RAB39B: variants seen among roughly 807,000 people sequenced by gnomAD.
RAB39B encodes the protein ras-related protein Rab-39B.
For missense variants in RAB39B, 68 were observed against 171.3 expected (o/e 0.40, Z 3.37); for synonymous variants, 63 against 67.5 (o/e 0.93, Z 0.33).
chrX:155,263,937 G>A (rs1360107210), intron 1 of RAB39B, 137 bp downstream of exon 1: 25 of 593,152 alleles, frequency 4.2e-5, no homozygotes, highest in Non-Finnish European at 5.7e-5. Context: ...AGCCGAAGGT[G>A]GGCTTCGGCA....
Position 155,261,044 on chromosome X carries a change from G to A in RAB39B, c.401C>T (p.Thr134Ile), listed in dbSNP as rs1557314219. ...AGCCAGTTTCTCGGCCTCGTGGCGAGTCACTTGCCTCTGTGTATCCAGGTC... is the reference window on the plus strand; with the variant it reads ...AGCCAGTTTCTCGGCCTCGTGGCGAATCACTTGCCTCTGTGTATCCAGGTC... The part of the protein sequence containing the change: ...KCDLDTQRQV[T>I]RHEAEKLAAA... Residue 134 changes from threonine to isoleucine, a missense_variant, in exon 2 of 2, where the codon ACT (threonine) becomes ATT (isoleucine). Coordinates refer to ENST00000369454, the MANE Select transcript of RAB39B (RefSeq NM_171998.4). 2.5e-6 allele frequency: 3 copies of A among 1,211,675 alleles called. No homozygotes were observed. Among genetic ancestry groups the A allele is most frequent in the South Asian group, 3.5e-5 (2 of 56,974 alleles).
chrX:155,261,866 C>G (rs1315334981), intron 1 of RAB39B, among the ~76,000 whole-genome samples: 3 of 106,903 alleles, frequency 2.8e-5, no homozygotes, highest in African/African-American at 1.0e-4. Flanking sequence ...TTATTATTAG[C>G]TAACAGGGAT....
Position 155,261,165 on chromosome X carries a change from G to A in RAB39B, c.280C>T (p.Arg94Cys), listed in dbSNP as rs781954592. The stretch of plus-strand genomic sequence containing the variant: ...TCATGGACATTCTGGAAGGACCTGC[G>A]GTTGGTAATGTCAAATAAGAGAAGA... ...GGLLLFDITN[R>C]RSFQNVHEWL... The change falls in exon 2 of 2, where the codon CGC (arginine) becomes TGC (cysteine). Residue 94 changes from arginine (R) to cysteine (C), a missense_variant. Arg to Cys is a radical substitution (Grantham distance 180). Transcript: ENST00000369454. 9.9e-6 allele frequency: 12 copies of A among 1,209,108 alleles called. No individual in the cohort carries two copies. Among genetic ancestry groups the A allele is most frequent in the African/African-American group, 1.7e-5 (1 of 57,506 alleles).
chrX:155,262,511 A>T (rs1465196359), intron 1 of RAB39B, among the ~76,000 whole-genome samples: 2 of 112,446 alleles, frequency 1.8e-5, no homozygotes, highest in Non-Finnish European at 3.8e-5. Context: ...ATCAACAAGC[A>T]AGCTGTAGAT....
rs1433697678 is a variant in RAB39B at position 155,259,063 on chromosome X, CAA to C, written c.*1738_*1739del. On this transcript the variant is annotated 3_prime_UTR_variant, in exon 2 of 2. Coordinates refer to ENST00000369454, the MANE Select transcript of RAB39B (RefSeq NM_171998.4). ...CTTTATTCTGGCTAAAGCAAATTCC[CAA>C]AGTTTCAGATTCGGTCACATTCATA... The C allele has an allele frequency of 8.9e-6, 1 of 112,131 alleles. No homozygotes were observed. Among genetic ancestry groups the C allele is most frequent in the Non-Finnish European group, 1.9e-5 (1 of 53,213 alleles). The allele number at this position is 112,131 out of a possible 1,213,427, so 9.2% of individuals were successfully genotyped here. A position where few individuals can be genotyped will look rare whatever the true frequency, so the allele number is the denominator to read the frequency against.
chrX:155,261,119 A>T lies in RAB39B; in HGVS notation c.326T>A (p.Val109Glu). The T allele has an allele frequency of 8.3e-7, 1 of 1,211,181 alleles. No individual in the cohort carries two copies. ...TACAATTTGGTAGGGCTGAACGTGT[A>T]CTTTGGTCTCTTCTAACCACTCATG... ...NVHEWLEETK[V>E]HVQPYQIVFV... Residue 109 changes from valine (V) to glutamate (E), a missense_variant, in exon 2 of 2, where the codon GTA becomes GAA. Coordinates refer to ENST00000369454, the MANE Select transcript of RAB39B (RefSeq NM_171998.4).
intron 1 of RAB39B, among the ~76,000 whole-genome samples, chrX:155,262,047 C>T (rs782439759): frequency 1.1e-4 from 12 of 111,615 alleles, no homozygotes; most frequent in Non-Finnish European, 1.9e-4. Flanking sequence ...AGAAACTTCA[C>T]ATGTTTTAAC....
chrX:155,264,430 GCCCAGGCGCCGGGAGAGC>G lies in RAB39B; in HGVS notation c.-160_-143del. ...GGCCTGGGAGCCCGAAGCTGGGTAG[GCCCAGGCGCCGGGAGAGC>G]GGAGGGATGGATGCTGCGCTCGCAA... On this transcript the variant is annotated 5_prime_UTR_variant, in exon 1 of 2. Coordinates refer to ENST00000369454, the MANE Select transcript of RAB39B (RefSeq NM_171998.4). 1 of 527,190 alleles carries G rather than the reference GCCCAGGCGCCGGGAGAGC, an allele frequency of 1.9e-6. No homozygotes were observed. Among genetic ancestry groups the G allele is most frequent in the Non-Finnish European group, 3.1e-6 (1 of 318,512 alleles). The allele number at this position is 527,190 out of a possible 1,213,427, so 43.4% of individuals were successfully genotyped here.
intron 1 of RAB39B, among the ~76,000 whole-genome samples, chrX:155,263,797 A>G (rs781932730): frequency 8.9e-6 from 1 of 112,452 alleles, no homozygotes; most frequent in East Asian, 2.8e-4. Flanking sequence ...AATTACAGAT[A>G]CAGAGATCAA....
chrX:155,261,278 G>A (rs1557314266), intron 1 of RAB39B, 49 bp from the exon 2 acceptor site: 1 of 938,013 alleles, frequency 1.1e-6, no homozygotes, highest in Admixed American at 2.2e-5. Context: ...CCAAACTTCT[G>A]CATGTCAATG....
At position 155,264,378 on chromosome X, in the gene RAB39B, A is replaced by T. The variant is rs1446179371; in HGVS notation, c.-90T>A. ...GCCTCAGAGAGCGCGGCTCGGCAGG[A>T]TCTAGCTCAGCCGCGAGCGCATCGC... is the stretch of plus-strand genomic sequence containing the variant. On this transcript the variant is annotated 5_prime_UTR_variant, in exon 1 of 2. Transcript: ENST00000369454. 3.4e-6 allele frequency: 3 copies of T among 892,927 alleles called. No homozygotes were observed. The highest frequency in any genetic ancestry group is 4.9e-6 in the Non-Finnish European group (3 of 616,352). 73.6% of individuals were successfully genotyped at this position (892,927 alleles called of 1,213,427 possible).
At chrX:155,263,620 G>GT (rs2074860019) in intron 1 of RAB39B, among the ~76,000 whole-genome samples, 1 of 112,461 alleles carries the variant, frequency 8.9e-6, no homozygotes, top group Admixed American at 9.3e-5. Flanking sequence ...GGAATCAATC[G>GT]TATCTATTTC....
chrX:155,262,662 G>T (rs1311379023), intron 1 of RAB39B, among the ~76,000 whole-genome samples: 1 of 112,042 alleles, frequency 8.9e-6, no homozygotes, highest in Non-Finnish European at 1.9e-5. Flanking sequence ...CTTAAATAAT[G>T]TGAAAAGACA....
At chrX:155,262,070 G>T (rs1283030655) in intron 1 of RAB39B, among the ~76,000 whole-genome samples, 1 of 111,402 alleles carries the variant, frequency 9.0e-6, no homozygotes, top group Non-Finnish European at 1.9e-5. Flanking sequence ...CTTGACTTGA[G>T]GAACCTCATT....
At chrX:155,262,963 C>T (rs1056595021) in intron 1 of RAB39B, among the ~76,000 whole-genome samples, 1 of 112,333 alleles carries the variant, frequency 8.9e-6, no homozygotes, top group Non-Finnish European at 1.9e-5. Context: ...TATTTCTTCT[C>T]CTTACCCCTC....
chrX:155,262,495 C>T (rs2074856952), intron 1 of RAB39B, among the ~76,000 whole-genome samples: 1 of 112,077 alleles, frequency 8.9e-6, no homozygotes, highest in Admixed American at 9.4e-5. Context: ...AAGGTTGATT[C>T]AAGAAATCAA....
At position 155,260,579 on chromosome X, in the gene RAB39B, A is replaced by G; in HGVS notation, c.*224T>C. 2 of 435,994 alleles carry G rather than the reference A, an allele frequency of 4.6e-6. No homozygotes were observed. Among genetic ancestry groups the G allele is most frequent in the Middle Eastern group, 6.3e-4 (1 of 1,578 alleles). The allele number at this position is 435,994 out of a possible 1,213,427, so 35.9% of individuals were successfully genotyped here. On this transcript the variant is annotated 3_prime_UTR_variant, in exon 2 of 2. Transcript: ENST00000369454. ...GCAGCCACTGCCTAGCATGGGCCAC[A>G]AAACAGTGCCTGGCCTGGCCCATGT...
In RAB39B at chrX:155,262,828, C is replaced by T. The variant is rs782447259; in HGVS notation, c.215+1246G>A. On this transcript the variant is annotated intron_variant, in intron 1 of 1. Transcript: ENST00000369454. ...ATATAGAAAGAAATTCCAACAAACACATAAAAGATACCTTTCTTTGCTTAG... is the reference window on the plus strand; with the variant it reads ...ATATAGAAAGAAATTCCAACAAACATATAAAAGATACCTTTCTTTGCTTAG... 1.4e-4 allele frequency among the ~76,000 whole-genome samples: 16 copies of T among 112,200 alleles called. No homozygotes were observed. In the East Asian group the frequency reaches 2.2e-3, roughly 16 times the overall value.
At position 155,258,506 on chromosome X, in the gene RAB39B, A is replaced by G. The variant is rs1557313920; in HGVS notation, c.*2297T>C. On this transcript the variant is annotated 3_prime_UTR_variant, in exon 2 of 2. Coordinates refer to ENST00000369454, the MANE Select transcript of RAB39B (RefSeq NM_171998.4). The stretch of plus-strand genomic sequence containing the variant: ...TTAACACCTGATTCTTTTCACACTT[A>G]TTTTCTAAAACCCACTTATTGCAGT... The G allele has an allele frequency of 8.9e-6, 1 of 112,251 alleles. No homozygotes were observed. The highest frequency in any genetic ancestry group is 3.2e-5 in the African/African-American group (1 of 30,887). 9.3% of individuals were successfully genotyped at this position (112,251 alleles called of 1,213,427 possible). A position where few individuals can be genotyped will look rare whatever the true frequency, so the allele number is the denominator to read the frequency against.
Sources: gnomAD v4.1 joint callset for allele counts (sites outside exome capture counted in the v4.1 genomes callset) on GRCh38, gnomAD v4.1.1 for gene constraint, MANE v1.5 for transcripts, NCBI Gene and HGNC (gene_info 2026-07-23, HGNC 2026-07-21) for gene names.